SNX29: variants seen among roughly 807,000 people sequenced by gnomAD.
SNX29 encodes the protein sorting nexin 29.
Under a neutral mutation model 102.1 loss-of-function variants are expected in SNX29, and 78 were observed. The ratio of observed to expected loss-of-function variants is 0.76; its 90% CI spans 0.64 to 0.92. The LOEUF (loss-of-function observed/expected upper bound fraction) is 0.92. SNX29 is among the 40% of genes least tolerant of loss of function. The pLI is 0.00. For synonymous variants in SNX29, 580 were observed against 414.5 expected (o/e 1.40, Z -4.85); for missense variants, 1,280 against 1,061.7 (o/e 1.21, Z -2.86).
intron 20 of SNX29, among the ~76,000 whole-genome samples, chr16:12,540,607 A>C (rs80034403): frequency 0.013 from 1,923 of 152,196 alleles, 37 homozygotes; most frequent in African/African-American, 0.045. Flanking sequence ...CTGAGATTCC[A>C]TGGGGTGGAC....
chr16:12,127,482 C>T (rs1022980649), intron 12 of SNX29, among the ~76,000 whole-genome samples: 2 of 147,788 alleles, frequency 1.4e-5, no homozygotes, highest in African/African-American at 2.5e-5. Context: ...AATGCAGTGG[C>T]GCGATCTCTG....
At chr16:12,548,948 G>A (rs1177014190) in intron 20 of SNX29, among the ~76,000 whole-genome samples, 3 of 152,152 alleles carry the variant, frequency 2.0e-5, no homozygotes, top group East Asian at 1.9e-4. Context: ...TGGCATTTAG[G>A]GAACTCTCAA....
intron 15 of SNX29, among the ~76,000 whole-genome samples, chr16:12,318,416 C>T (rs1343777977): frequency 2.6e-5 from 4 of 152,144 alleles, no homozygotes; most frequent in Non-Finnish European, 5.9e-5. Flanking sequence ...TGGCTTTCTG[C>T]CTCCGGTCAG....
chr16:12,564,050 G>A (rs571752172), intron 20 of SNX29, among the ~76,000 whole-genome samples: 2 of 146,180 alleles, frequency 1.4e-5, no homozygotes, highest in African/African-American at 4.8e-5. Context: ...AAAAGGTTGT[G>A]GTTTGGCAAC....
In SNX29 at chr16:12,477,814, A is replaced by G; in HGVS notation, c.2133A>G (p.Gln711=). ...ACAAGTTACAAAACAAGTACCCTCAAGTGAGGGCCTACAACTTCCCACCCA... is the reference window on the plus strand; with the variant it reads ...ACAAGTTACAAAACAAGTACCCTCAGGTGAGGGCCTACAACTTCCCACCCA... ...LHHKLQNKYP[Q]VRAYNFPPKK... The change falls in exon 19 of 21, where the codon CAA becomes CAG. Residue 711 remains glutamine (Q), a synonymous_variant. Coordinates refer to ENST00000566228, the MANE Select transcript of SNX29 (RefSeq NM_032167.5). The G allele has an allele frequency of 1.2e-5, 20 of 1,613,168 alleles. No homozygotes were observed. The highest frequency in any genetic ancestry group is 1.6e-5 in the Non-Finnish European group (19 of 1,179,642).
intron 1 of SNX29, 97 bp downstream of exon 1, chr16:11,976,910 C>T: frequency 7.8e-7 from 1 of 1,276,674 alleles, no homozygotes; most frequent in Non-Finnish European, 9.9e-7. Flanking sequence ...CGCCCCGCTC[C>T]CTCGCAGACC....
intron 14 of SNX29, among the ~76,000 whole-genome samples, chr16:12,272,539 A>C (rs1343372993): frequency 4.6e-5 from 7 of 152,218 alleles, no homozygotes; most frequent in Non-Finnish European, 1.0e-4. Context: ...CTGCTCTCTT[A>C]CCTGACTTTT....
At chr16:12,426,513 TATA>T (rs1323562085) in intron 18 of SNX29, among the ~76,000 whole-genome samples, 2 of 152,110 alleles carry the variant, frequency 1.3e-5, no homozygotes, top group Non-Finnish European at 2.9e-5. Context: ...AGAATAGAAA[TATA>T]ATGTGCCTTC....
chr16:12,162,736 C>T (rs532462409), intron 13 of SNX29, among the ~76,000 whole-genome samples: 41 of 152,282 alleles, frequency 2.7e-4, no homozygotes, highest in African/African-American at 8.7e-4. Context: ...GTGCTTTGAA[C>T]GGGGCCTGGC....
intron 16 of SNX29, among the ~76,000 whole-genome samples, chr16:12,388,329 C>G (rs915436318): frequency 7.2e-5 from 11 of 152,326 alleles, no homozygotes; most frequent in African/African-American, 2.4e-4. Context: ...CAAAGAATTA[C>G]ATGAGTGGGT....
intron 15 of SNX29, among the ~76,000 whole-genome samples, chr16:12,349,066 A>G (rs2081915675): frequency 1.3e-5 from 2 of 152,238 alleles, no homozygotes. Flanking sequence ...CTGAATTAAA[A>G]GCAGGAAGCT....
chr16:12,460,400 A>G (rs887040754), intron 18 of SNX29, among the ~76,000 whole-genome samples: 11 of 152,170 alleles, frequency 7.2e-5, no homozygotes, highest in African/African-American at 1.4e-4. Flanking sequence ...AGAACATTTT[A>G]TTTGGAAAGG....
At chr16:12,294,638 G>C (rs888812828) in intron 15 of SNX29, among the ~76,000 whole-genome samples, 3 of 152,132 alleles carry the variant, frequency 2.0e-5, no homozygotes, top group African/African-American at 7.2e-5. Context: ...TGCTCAGCGG[G>C]GAGCACAGTT....
At chr16:12,361,530 C>G (rs1286090534) in intron 16 of SNX29, among the ~76,000 whole-genome samples, 2 of 151,986 alleles carry the variant, frequency 1.3e-5, no homozygotes, top group Non-Finnish European at 2.9e-5. Context: ...TCATTTAATC[C>G]TCACGTGGCC....
At chr16:12,135,347 C>G (rs1351051501) in intron 13 of SNX29, among the ~76,000 whole-genome samples, 2 of 152,194 alleles carry the variant, frequency 1.3e-5, no homozygotes, top group Admixed American at 6.5e-5. Context: ...TCCTTTGTGT[C>G]CATGTGGTTT....
chr16:12,333,106 A>ATTTTTTT (rs34047585), intron 15 of SNX29, among the ~76,000 whole-genome samples: 5 of 135,772 alleles, frequency 3.7e-5, no homozygotes, highest in East Asian at 2.2e-4. Context: ...CAATCAGTTA[A>ATTTTTTT]TTTTTTTTTT....
intron 4 of SNX29, among the ~76,000 whole-genome samples, chr16:12,030,493 C>T (rs1322150418): frequency 6.6e-6 from 1 of 152,194 alleles, no homozygotes; most frequent in East Asian, 1.9e-4. Context: ...TTCTCTGCCC[C>T]AAAACCAGTC....
intron 13 of SNX29, among the ~76,000 whole-genome samples, chr16:12,198,842 GATGA>G (rs2076844373): frequency 6.6e-6 from 1 of 152,234 alleles, no homozygotes; most frequent in Admixed American, 6.5e-5. Flanking sequence ...ATGACGGATG[GATGA>G]ATGAATGAGT....
intron 15 of SNX29, among the ~76,000 whole-genome samples, chr16:12,339,348 G>A (rs1259105999): frequency 7.3e-6 from 1 of 137,890 alleles, no homozygotes; most frequent in Admixed American, 7.7e-5. Context: ...TCCAGCCTGG[G>A]CGACAGAGTG....
Sources: gnomAD v4.1 joint callset for allele counts (sites outside exome capture counted in the v4.1 genomes callset) on GRCh38, gnomAD v4.1.1 for gene constraint, MANE v1.5 for transcripts, NCBI Gene and HGNC (gene_info 2026-07-23, HGNC 2026-07-21) for gene names.